Variants in CACNB2 observed in about 807,000 individuals in gnomAD.
The protein encoded by CACNB2 is voltage-dependent L-type calcium channel subunit beta-2.
Under a neutral mutation model 73.3 loss-of-function variants are expected in CACNB2, and 42 were observed. That is an observed-to-expected ratio of 0.57 (90% CI 0.45 to 0.74). The LOEUF (loss-of-function observed/expected upper bound fraction) is 0.74. CACNB2 is among the 30% of genes least tolerant of loss of function. The pLI is 0.00. For synonymous variants in CACNB2, 348 were observed against 310.3 expected, an observed-to-expected ratio of 1.12 and a Z score of -1.28; for missense variants, 940 against 853.0, an observed-to-expected ratio of 1.10 and a Z score of -1.27.
intron 7 of CACNB2, 50 bp downstream of exon 7, chr10:18,514,419 G>A (rs544639791): frequency 2.1e-5 from 34 of 1,613,700 alleles, no homozygotes; most frequent in Middle Eastern, 1.6e-4. Context: ...ACTGCACTGC[G>A]TCACATTTCT....
At chr10:18,323,047 TCTC>T (rs773148566) in intron 2 of CACNB2, among the ~76,000 whole-genome samples, 295 of 150,796 alleles carry the variant, frequency 2.0e-3, no homozygotes, top group Non-Finnish European at 3.5e-3. Context: ...ATTGCTGGCT[TCTC>T]CTCCTGGGTT....
intron 2 of CACNB2, among the ~76,000 whole-genome samples, chr10:18,385,176 G>T (rs189983818): frequency 6.6e-6 from 1 of 151,836 alleles, no homozygotes; most frequent in Non-Finnish European, 1.5e-5. Flanking sequence ...CCAGGTACTC[G>T]AGAGGCTGAG....
intron 3 of CACNB2, among the ~76,000 whole-genome samples, chr10:18,404,831 A>G (rs987902894): frequency 9.2e-5 from 14 of 152,242 alleles, no homozygotes; most frequent in African/African-American, 1.4e-4. Context: ...TGTGCTGTCA[A>G]TAAACCTATT....
At chr10:18,269,684 G>C (rs1320965873) in intron 2 of CACNB2, among the ~76,000 whole-genome samples, 1 of 152,122 alleles carries the variant, frequency 6.6e-6, no homozygotes, top group Non-Finnish European at 1.5e-5. Context: ...TCTCTATTTG[G>C]AAACTCTCCA....
At chr10:18,188,008 A>G (rs570401344) in intron 2 of CACNB2, among the ~76,000 whole-genome samples, 53 of 152,124 alleles carry the variant, frequency 3.5e-4, no homozygotes, top group Admixed American at 8.5e-4. Context: ...TATTGTTTGG[A>G]TTAAGGTAGA....
intron 11 of CACNB2, among the ~76,000 whole-genome samples, chr10:18,535,728 G>C (rs192988034): frequency 8.3e-4 from 120 of 144,800 alleles, no homozygotes; most frequent in African/African-American, 2.9e-3. Context: ...AGCCGAGATC[G>C]CACCACTGCA....
intron 2 of CACNB2, among the ~76,000 whole-genome samples, chr10:18,218,780 C>G (rs2035612715): frequency 6.6e-6 from 1 of 152,014 alleles, no homozygotes; most frequent in Non-Finnish European, 1.5e-5. Context: ...GAGGCAGGAT[C>G]ACTTGAACTC....
chr10:18,491,711 A>G (rs975066672), intron 3 of CACNB2, among the ~76,000 whole-genome samples: 10 of 152,054 alleles, frequency 6.6e-5, no homozygotes, highest in African/African-American at 2.4e-4. Flanking sequence ...GATTAAGCCA[A>G]AAATGAAGAT....
intron 2 of CACNB2, among the ~76,000 whole-genome samples, chr10:18,197,344 A>G (rs1020623433): frequency 3.9e-5 from 6 of 152,236 alleles, no homozygotes; most frequent in African/African-American, 1.4e-4. Flanking sequence ...TATATCAGCT[A>G]GAATGTTTTT....
chr10:18,455,790 T>C (rs7923938), intron 3 of CACNB2, among the ~76,000 whole-genome samples: 19,146 of 152,176 alleles, frequency 0.13, 1,321 homozygotes, highest in Admixed American at 0.18. Flanking sequence ...AAGAAGGTCA[T>C]AACCCAGCAA....
At position 18,243,265 on chromosome 10, in the gene CACNB2, A is replaced by G. The variant is rs16917090; in HGVS notation, c.213+92290A>G. Among the ~76,000 whole-genome samples the G allele has an allele frequency of 1.6e-3, 239 of 152,244 alleles. 2 individuals carry two copies. The highest frequency in any genetic ancestry group is 5.1e-3 in the African/African-American group (212 of 41,534). ...TTGTATTAAATTTGATCAAGAATAAATACAAAGTTCCCATTAACACATTTA... is the reference window on the plus strand; with the variant it reads ...TTGTATTAAATTTGATCAAGAATAAGTACAAAGTTCCCATTAACACATTTA... On this transcript the variant is annotated intron_variant, in intron 2 of 13. Transcript: ENST00000324631.
intron 2 of CACNB2, among the ~76,000 whole-genome samples, chr10:18,338,785 C>T (rs1408238138): frequency 1.4e-5 from 2 of 138,424 alleles, no homozygotes; most frequent in African/African-American, 2.8e-5. Context: ...TCCACCCAGG[C>T]TGCAGTGCAG....
chr10:18,402,730 G>A (rs553429613), intron 3 of CACNB2, among the ~76,000 whole-genome samples: 1 of 152,240 alleles, frequency 6.6e-6, no homozygotes, highest in South Asian at 2.1e-4. Flanking sequence ...TGCTGTCCTT[G>A]GAATAGTGGC....
chr10:18,261,112 T>C, intron 2 of CACNB2: 1 of 1,412,658 alleles, frequency 7.1e-7, no homozygotes, highest in Non-Finnish European at 9.4e-7. Context: ...AACGGTGGCT[T>C]TTTTAGAAAC....
At chr10:18,466,503 C>G (rs918897051) in intron 3 of CACNB2, among the ~76,000 whole-genome samples, 1 of 152,076 alleles carries the variant, frequency 6.6e-6, no homozygotes, top group African/African-American at 2.4e-5. Flanking sequence ...AATATTTTAC[C>G]TGTATTTCTC....
At chr10:18,145,731 A>C (rs2030901197) in intron 1 of CACNB2, among the ~76,000 whole-genome samples, 1 of 152,224 alleles carries the variant, frequency 6.6e-6, no homozygotes, top group African/African-American at 2.4e-5. Flanking sequence ...CAAACATAAC[A>C]TAACATGGTT....
intron 2 of CACNB2, among the ~76,000 whole-genome samples, chr10:18,210,722 C>T (rs1324209961): frequency 6.6e-6 from 1 of 152,078 alleles, no homozygotes; most frequent in East Asian, 1.9e-4. Context: ...TTACAGACCC[C>T]AAATCTGTAA....
At chr10:18,426,955 A>ATTTTTAT (rs2045630755) in intron 3 of CACNB2, among the ~76,000 whole-genome samples, 1 of 81,656 alleles carries the variant, frequency 1.2e-5, no homozygotes, top group Admixed American at 1.4e-4. Flanking sequence ...CCTTTTCTAC[A>ATTTTTAT]TTTTTTTTTT....
intron 2 of CACNB2, among the ~76,000 whole-genome samples, chr10:18,324,568 T>C (rs185522834): frequency 1.1e-3 from 168 of 152,362 alleles, no homozygotes; most frequent in Non-Finnish European, 1.9e-3. Flanking sequence ...AACTTACCTG[T>C]GGGGTTGGGT....
Sources: gnomAD v4.1 joint callset for allele counts (sites outside exome capture counted in the v4.1 genomes callset) on GRCh38, gnomAD v4.1.1 for gene constraint, MANE v1.5 for transcripts, NCBI Gene and HGNC (gene_info 2026-07-23, HGNC 2026-07-21) for gene names.